The following ATP5PB variants were observed in gnomAD, a reference collection of about 807,000 sequenced individuals.
ATP5PB encodes ATP synthase peripheral stalk subunit b, mitochondrial.
In ATP5PB, 21 loss-of-function variants were observed where a neutral mutation model predicts 34.5. The observed-to-expected ratio is 0.61, with a 90% CI of 0.43 to 0.88. ATP5PB has a LOEUF of 0.88. Among genes scored for constraint, ATP5PB ranks in the 40% least tolerant of loss-of-function variants. The pLI, the probability that ATP5PB is intolerant of heterozygous loss-of-function variation, is 0.00. For missense variants in ATP5PB, 293 were observed against 317.4 expected, an observed-to-expected ratio of 0.92 and a Z score of 0.58; for synonymous variants, 108 against 114.1, an observed-to-expected ratio of 0.95 and a Z score of 0.34.
chr1:111,456,054 TC>T (rs1653463733), intron 3 of ATP5PB, 31 bp from the exon 4 acceptor site: 1 of 1,524,764 alleles, frequency 6.6e-7, no homozygotes, highest in African/African-American at 1.4e-5. Context: ...GCATAGCATA[TC>T]CCTTCATAAA....
rs1653606281 is a variant in ATP5PB, at chr1:111,460,959, C to T, written c.736C>T (p.Leu246=). ...IAKCIADLKL[L]AKKAQAQPVM ...CAAGTGCATTGCGGACCTAAAGCTG[C>T]TGGCAAAGAAGGCTCAAGCACAGCC... Residue 246 remains leucine (L), a synonymous_variant, in exon 7 of 7, where the codon CTG becomes TTG. Transcript: ENST00000369722. 6.2e-7 allele frequency: 1 copy of T among 1,612,996 alleles called. No individual in the cohort carries two copies. Among genetic ancestry groups the T allele is most frequent in the Non-Finnish European group, 8.5e-7 (1 of 1,179,786 alleles).
At chr1:111,458,795 T>C (rs966133288) in intron 5 of ATP5PB, among the ~76,000 whole-genome samples, 4 of 152,200 alleles carry the variant, frequency 2.6e-5, no homozygotes, top group Admixed American at 2.6e-4. Flanking sequence ...CCTTACTGCC[T>C]GTATGCTGAT....
chr1:111,457,962 TAA>T (rs1338597182), intron 5 of ATP5PB, among the ~76,000 whole-genome samples: 8 of 152,232 alleles, frequency 5.3e-5, no homozygotes, highest in Admixed American at 2.6e-4. Flanking sequence ...AGCTTTTTCC[TAA>T]GAGTCAAATG....
Position 111,449,880 on chromosome 1 carries a change from G to T in ATP5PB, c.77+7G>T. On this transcript the variant is annotated splice_region_variant and intron_variant, in intron 2 of 6. Coordinates refer to ENST00000369722, the MANE Select transcript of ATP5PB (RefSeq NM_001688.5). ...CAGCCTTCCTAGGTCCAGGGTAAGT[G>T]TGAGGATAATGCTCCCTTTCGTCTT... is the stretch of plus-strand genomic sequence containing the variant. 3 of 1,614,156 alleles carry T rather than the reference G, an allele frequency of 1.9e-6. No individual in the cohort carries two copies. Among genetic ancestry groups the T allele is most frequent in the Non-Finnish European group, 2.5e-6 (3 of 1,180,016 alleles).
At position 111,449,519 on chromosome 1, in the gene ATP5PB, T is replaced by C. The variant is rs377259164; in HGVS notation, c.-23T>C. The C allele has an allele frequency of 8.5e-5, 137 of 1,613,976 alleles. No individual in the cohort carries two copies. Among genetic ancestry groups the C allele is most frequent in the Middle Eastern group, 1.6e-4 (1 of 6,082 alleles). On this transcript the variant is annotated 5_prime_UTR_variant, in exon 1 of 7. Coordinates refer to ENST00000369722, the MANE Select transcript of ATP5PB (RefSeq NM_001688.5). The stretch of plus-strand genomic sequence containing the variant: ...ATCGGGGTCACAGGGACGCTAAGAT[T>C]GCTACCTGGACTTTCGTTGACCATG...
intron 1 of ATP5PB, 23 bp downstream of exon 1, chr1:111,449,604 T>C (rs767374213): frequency 1.3e-5 from 20 of 1,586,456 alleles, no homozygotes; most frequent in Non-Finnish European, 1.7e-5. Flanking sequence ...GACCCTGCTC[T>C]GGACTATCAG....
In ATP5PB at chr1:111,449,467, C is replaced by T. The variant is rs565793834; in HGVS notation, c.-75C>T. The T allele has an allele frequency of 6.2e-7, 1 of 1,614,176 alleles. No homozygotes were observed. Among genetic ancestry groups the T allele is most frequent in the Non-Finnish European group, 8.5e-7 (1 of 1,180,016 alleles). ...TCTCGCGAGACTTGTGAGCGGCCAT[C>T]TTGGTCCTGCCCTGACAGATTCTCC... On this transcript the variant is annotated 5_prime_UTR_variant, in exon 1 of 7. Transcript: ENST00000369722.
Position 111,456,646 on chromosome 1 carries a change from T to G in ATP5PB, c.404T>G (p.Leu135Arg). ...DKLNEQKLAQ[L>R]EEAKQASIQH... ...CAATTGTAGCAAAAACTTGCCCAAC[T>G]AGAAGAGGCGAAGCAGGCTTCCATC... The change falls in exon 5 of 7, where the codon CTA (leucine) becomes CGA (arginine). Residue 135 changes from leucine (L) to arginine (R), a missense_variant. Coordinates refer to ENST00000369722, the MANE Select transcript of ATP5PB (RefSeq NM_001688.5). The G allele has an allele frequency of 6.2e-7, 1 of 1,612,804 alleles. No individual in the cohort carries two copies. Among genetic ancestry groups the G allele is most frequent in the South Asian group, 1.1e-5 (1 of 90,850 alleles).
chr1:111,459,413 T>G (rs973174523), intron 5 of ATP5PB, 44 bp from the exon 6 acceptor site: 3 of 1,547,546 alleles, frequency 1.9e-6, no homozygotes, highest in Non-Finnish European at 2.6e-6. Flanking sequence ...AAGTATTCCT[T>G]CAAGTATACA....
chr1:111,454,575 C>G (rs917917590), intron 3 of ATP5PB, among the ~76,000 whole-genome samples: 2 of 152,060 alleles, frequency 1.3e-5, no homozygotes, highest in Non-Finnish European at 2.9e-5. Flanking sequence ...CCTCAGCCTC[C>G]CGAGTAGCTG....
In ATP5PB at chr1:111,449,940, C is replaced by G. The variant is rs377059766; in HGVS notation, c.77+67C>G. On this transcript the variant is annotated intron_variant, in intron 2 of 6. Transcript: ENST00000369722. ...TACCTTTTATTTCCCGATTCCTGCCCCCACCCCCTTAGCTTTAGGTCAGAA... is the reference window on the plus strand; with the variant it reads ...TACCTTTTATTTCCCGATTCCTGCCGCCACCCCCTTAGCTTTAGGTCAGAA... The G allele has an allele frequency of 5.6e-6, 9 of 1,597,028 alleles. No homozygotes were observed. In the African/African-American group the frequency reaches 1.1e-4, roughly 19 times the overall value.
intron 5 of ATP5PB, among the ~76,000 whole-genome samples, chr1:111,459,031 T>C (rs1349523523): frequency 1.3e-5 from 2 of 152,202 alleles, no homozygotes; most frequent in African/African-American, 4.8e-5. Flanking sequence ...AAGACAAATC[T>C]ACAATGTATG....
intron 2 of ATP5PB, among the ~76,000 whole-genome samples, chr1:111,452,773 T>C (rs1352949635): frequency 6.6e-6 from 1 of 152,122 alleles, no homozygotes; most frequent in Non-Finnish European, 1.5e-5. Context: ...GAGATATTTT[T>C]CAGTGTTACC....
chr1:111,456,235 G>T lies in ATP5PB; in HGVS notation c.373G>T (p.Asp125Tyr). 6.2e-7 allele frequency: 1 copy of T among 1,602,652 alleles called. No homozygotes were observed. The highest frequency in any genetic ancestry group is 1.1e-5 in the South Asian group (1 of 88,828). The change falls in exon 4 of 7, where the codon GAT (aspartate) becomes TAT (tyrosine). Residue 125 changes from aspartate (D) to tyrosine (Y), a missense_variant. Asp to Tyr is a radical substitution (Grantham distance 160). Coordinates refer to ENST00000369722, the MANE Select transcript of ATP5PB (RefSeq NM_001688.5). ...TGGTCCCTTTGTTGCAGACTTTGCT[G>T]ATAAACTCAATGAGGTAAGAACCAT... Reference protein sequence around the residue: ...KYGPFVADFADKLNEQKLAQL... With the variant: ...KYGPFVADFAYKLNEQKLAQL...
chr1:111,455,304 A>G (rs190884931), intron 3 of ATP5PB, among the ~76,000 whole-genome samples: 2,004 of 151,640 alleles, frequency 0.013, 34 homozygotes, highest in African/African-American at 0.046. Context: ...TGTATATTAA[A>G]GGCAGTTAAA....
At chr1:111,458,263 T>C (rs923768952) in intron 5 of ATP5PB, among the ~76,000 whole-genome samples, 2 of 152,200 alleles carry the variant, frequency 1.3e-5, no homozygotes, top group Non-Finnish European at 2.9e-5. Context: ...CTCAGCACTT[T>C]GGGAGGCCAA....
chr1:111,449,741 G>A (rs1046892165), intron 1 of ATP5PB, 96 bp from the exon 2 acceptor site: 19 of 1,586,774 alleles, frequency 1.2e-5, no homozygotes, highest in Non-Finnish European at 1.4e-5. Flanking sequence ...CGGGAAAGAG[G>A]GGTACATAGG....
chr1:111,449,523 A>T lies in ATP5PB; in HGVS notation c.-19A>T, dbSNP rs1231794802. The T allele has an allele frequency of 6.2e-7, 1 of 1,614,020 alleles. No homozygotes were observed. The highest frequency in any genetic ancestry group is 8.5e-7 in the Non-Finnish European group (1 of 1,179,966). On this transcript the variant is annotated 5_prime_UTR_variant, in exon 1 of 7. Coordinates refer to ENST00000369722, the MANE Select transcript of ATP5PB (RefSeq NM_001688.5). ...GGGTCACAGGGACGCTAAGATTGCT[A>T]CCTGGACTTTCGTTGACCATGCTGT...
chr1:111,454,907 A>G (rs1653430053), intron 3 of ATP5PB, among the ~76,000 whole-genome samples: 1 of 152,260 alleles, frequency 6.6e-6, no homozygotes, highest in East Asian at 1.9e-4. Flanking sequence ...GCACTGTTGC[A>G]GTCATACAGT....
Sources: allele counts gnomAD v4.1 joint callset (sites outside exome capture counted in the v4.1 genomes callset), GRCh38; gene constraint gnomAD v4.1.1; transcripts MANE v1.5; gene names NCBI Gene and HGNC (gene_info 2026-07-23, HGNC 2026-07-21).